MSMO1: variants seen among roughly 807,000 people sequenced by gnomAD.
MSMO1 encodes methylsterol monooxygenase 1, also known as C-4 methylsterol oxidase.
A neutral mutation model predicts 30.4 loss-of-function variants in MSMO1; 18 were observed. The ratio of observed to expected loss-of-function variants is 0.59; its 90% confidence interval spans 0.41 to 0.88. MSMO1 has a LOEUF of 0.88. Among genes scored for constraint, MSMO1 ranks in the 40% least tolerant of loss-of-function variants. MSMO1 has a pLI of 0.00. For synonymous variants in MSMO1, 84 were observed against 107.9 expected (o/e 0.78, Z 1.37); for missense variants, 284 against 340.5 (o/e 0.83, Z 1.31).
At chr4:165,333,224 A>T in intron 1 of MSMO1, 116 bp from the exon 2 acceptor site, 1 of 827,568 alleles carries the variant, frequency 1.2e-6, no homozygotes, top group Non-Finnish European at 1.8e-6. Flanking sequence ...TTGGTAAAAA[A>T]TTTATACTCC....
At chr4:165,339,505 A>G (rs6830103) in intron 4 of MSMO1, among the ~76,000 whole-genome samples, 54,575 of 152,034 alleles carry the variant, frequency 0.36, 10,979 homozygotes, top group African/African-American at 0.52. Context: ...TCTTTATTAG[A>G]AGAACAAATA....
intron 1 of MSMO1, among the ~76,000 whole-genome samples, chr4:165,328,662 C>T (rs761629214): frequency 6.6e-6 from 1 of 152,158 alleles, no homozygotes; most frequent in Non-Finnish European, 1.5e-5. Flanking sequence ...GGCTTCCAGT[C>T]ATTTAGGTTG....
At position 165,329,625 on chromosome 4, in the gene MSMO1, A is replaced by ATTTTTTTTTTTTTTTTT. The variant is rs1171733863; in HGVS notation, c.-32+1872_-32+1888dup. Among the ~76,000 whole-genome samples, 22 of 68,004 alleles carry ATTTTTTTTTTTTTTTTT rather than the reference A, an allele frequency of 3.2e-4. 7 individuals carry two copies. Among genetic ancestry groups the ATTTTTTTTTTTTTTTTT allele is most frequent in the African/African-American group, 1.4e-3 (21 of 15,150 alleles). The allele number at this position is 68,004 out of a possible 152,430, so 44.6% of individuals were successfully genotyped here. A position where few individuals can be genotyped will look rare whatever the true frequency, so the allele number is the denominator to read the frequency against. On this transcript the variant is annotated intron_variant, in intron 1 of 5. Coordinates refer to ENST00000261507, the MANE Select transcript of MSMO1 (RefSeq NM_006745.5). ...ATTTGGCAGCTGGAGATCCATAGCG[A>ATTTTTTTTTTTTTTTTT]TTTTTTTTTTTTTTTTTTTTTTTTT...
Position 165,341,782 on chromosome 4 carries a change from C to T in MSMO1, c.718C>T (p.Leu240=). 1.2e-6 allele frequency: 2 copies of T among 1,613,130 alleles called. No individual in the cohort carries two copies. The highest frequency in any genetic ancestry group is 1.7e-6 in the Non-Finnish European group (2 of 1,179,236). ...TGATATTCCTCTCAACCCTTTAAAT[C>T]TGATCCCTTTCTATGCTGGTTCTCG... ...GYDIPLNPLN[L]IPFYAGSRHH... is the part of the protein sequence containing the mutation. The change falls in exon 6 of 6, where the codon CTG becomes TTG. Residue 240 remains leucine, a synonymous_variant. Transcript: ENST00000261507.
chr4:165,341,882 G>T lies in MSMO1; in HGVS notation c.818G>T (p.Gly273Val). The T allele has an allele frequency of 6.2e-7, 1 of 1,613,370 alleles. No individual in the cohort carries two copies. Among genetic ancestry groups the T allele is most frequent in the Admixed American group, 1.7e-5 (1 of 60,014 alleles). Reference sequence around the variant, plus strand: ...TTTACATGGTGGGATCGAATTTTTGGAACAGACTCTCAGTATAATGCCTAT... The same window carrying T: ...TTTACATGGTGGGATCGAATTTTTGTAACAGACTCTCAGTATAATGCCTAT... ...STFTWWDRIF[G>V]TDSQYNAYNE... Residue 273 changes from glycine to valine, a missense_variant, in exon 6 of 6, where the codon GGA becomes GTA. Transcript: ENST00000261507.
At chr4:165,341,627 A>G (rs1213822741) in intron 5 of MSMO1, 124 bp from the exon 6 acceptor site, 3 of 777,078 alleles carry the variant, frequency 3.9e-6, no homozygotes, top group Non-Finnish European at 6.4e-6. Context: ...ACTTAGAAAT[A>G]AAGTGGTCTA....
Position 165,340,222 on chromosome 4 carries a change from C to G in MSMO1, c.533C>G (p.Ala178Gly). 6.2e-7 allele frequency: 1 copy of G among 1,613,380 alleles called. No homozygotes were observed. The highest frequency in any genetic ancestry group is 1.3e-5 in the African/African-American group (1 of 75,030). The change falls in exon 5 of 6, where the codon GCT (alanine) becomes GGT (glycine). Residue 178 changes from alanine to glycine, a missense_variant and splice_region_variant. Physicochemically the swap from Ala to Gly is moderately conservative, Grantham distance 60. Transcript: ENST00000261507. ...YIHKVHHEFQAPFGMEAEYAH... is the reference protein window; with the variant it reads ...YIHKVHHEFQGPFGMEAEYAH... ...GAATTTCTTATCTGTTTGTCTTAGG[C>G]TCCATTTGGAATGGAAGCTGAATAT...
At chr4:165,329,625 ATTTTTTTT>A (rs1171733863) in intron 1 of MSMO1, among the ~76,000 whole-genome samples, 21 of 68,004 alleles carry the variant, frequency 3.1e-4, no homozygotes, top group South Asian at 4.8e-4. Flanking sequence ...ATCCATAGCG[ATTTTTTTT>A]TTTTTTTTTT....
rs1172820720 is a variant in MSMO1, at chr4:165,333,565, C to A, written c.195C>A (p.Phe65Leu). Residue 65 changes from phenylalanine (F) to leucine (L), a missense_variant, in exon 2 of 6, where the codon TTC becomes TTA. Phe to Leu is a conservative substitution (Grantham distance 22). Transcript: ENST00000261507. ...LIVHEALYFL[F>L]CLPGFLFQFI... ...TTCATGAAGCCCTTTATTTCTTATT[C>A]TGTTTACCTGGATTTTTATTTCAAT... The A allele has an allele frequency of 6.2e-6, 10 of 1,607,036 alleles. No individual in the cohort carries two copies. Among genetic ancestry groups the A allele is most frequent in the Admixed American group, 1.7e-5 (1 of 58,552 alleles).
intron 5 of MSMO1, 56 bp downstream of exon 5, chr4:165,340,431 G>A: frequency 7.1e-7 from 1 of 1,414,240 alleles, no homozygotes; most frequent in Non-Finnish European, 1.0e-6. Flanking sequence ...TTATTTTCAT[G>A]GCCATAAGAT....
intron 5 of MSMO1, among the ~76,000 whole-genome samples, chr4:165,341,039 C>CTTTTT (rs58320959): frequency 6.7e-6 from 1 of 149,912 alleles, no homozygotes. Context: ...ACATTTCTTT[C>CTTTTT]TTTTTTTTTT....
intron 1 of MSMO1, among the ~76,000 whole-genome samples, chr4:165,329,932 C>G (rs1484143724): frequency 2.0e-5 from 3 of 152,110 alleles, no homozygotes; most frequent in African/African-American, 7.2e-5. Context: ...CCACACCCAG[C>G]CTCCTTAGTG....
chr4:165,337,721 A>G, intron 2 of MSMO1, 68 bp from the exon 3 acceptor site: 1 of 1,510,706 alleles, frequency 6.6e-7, no homozygotes, highest in African/African-American at 1.4e-5. Flanking sequence ...ATAAACAGAG[A>G]ACAAATTAGG....
At chr4:165,339,871 TC>T (rs1013746552) in intron 4 of MSMO1, among the ~76,000 whole-genome samples, 11 of 152,252 alleles carry the variant, frequency 7.2e-5, no homozygotes, top group African/African-American at 2.6e-4. Context: ...AGACTAGAAA[TC>T]CAGGTAAGAA....
At chr4:165,328,340 A>C (rs1186683562) in intron 1 of MSMO1, among the ~76,000 whole-genome samples, 3 of 152,198 alleles carry the variant, frequency 2.0e-5, no homozygotes, top group Non-Finnish European at 2.9e-5. Flanking sequence ...AGAGTGAAGA[A>C]GTCTGGAAGG....
intron 2 of MSMO1, among the ~76,000 whole-genome samples, chr4:165,337,200 T>C (rs1206863826): frequency 6.6e-6 from 1 of 152,236 alleles, no homozygotes; most frequent in East Asian, 1.9e-4. Flanking sequence ...ATGGGTATCC[T>C]GATGAGGTCT....
intron 2 of MSMO1, among the ~76,000 whole-genome samples, chr4:165,336,140 A>T (rs1160765469): frequency 6.6e-6 from 1 of 152,166 alleles, no homozygotes; most frequent in African/African-American, 2.4e-5. Flanking sequence ...TTCAAACAGA[A>T]CAGACAACTG....
rs942198378 is a variant in MSMO1 at position 165,340,091 on chromosome 4, A to C, written c.532-130A>C. 44 of 765,872 alleles carry C rather than the reference A, an allele frequency of 5.7e-5. 1 individual carries two copies. Among genetic ancestry groups the C allele is most frequent in the South Asian group, 3.9e-4 (24 of 61,530 alleles). The allele number at this position is 765,872 out of a possible 1,614,324, so 47.4% of individuals were successfully genotyped here. Reference sequence around the variant, plus strand: ...TTTAAATGTTAACAACATCTAAAAAATACCTTCACAACAACATCTAGACTG... The same window carrying C: ...TTTAAATGTTAACAACATCTAAAAACTACCTTCACAACAACATCTAGACTG... On this transcript the variant is annotated intron_variant, in intron 4 of 5. Transcript: ENST00000261507.
intron 1 of MSMO1, among the ~76,000 whole-genome samples, chr4:165,332,271 T>C (rs932238301): frequency 1.4e-4 from 21 of 152,254 alleles, no homozygotes; most frequent in Admixed American, 9.8e-4. Flanking sequence ...GTTCTGTAAC[T>C]TGTTACTTGG....
Sources: gnomAD v4.1 joint callset for allele counts (sites outside exome capture counted in the v4.1 genomes callset) on GRCh38, gnomAD v4.1.1 for gene constraint, MANE v1.5 for transcripts, NCBI Gene and HGNC (gene_info 2026-07-23, HGNC 2026-07-21) for gene names.